Variants in NPFFR1 observed in about 807,000 individuals in gnomAD.
The protein encoded by NPFFR1 is neuropeptide FF receptor 1.
A neutral mutation model predicts 12.7 loss-of-function variants in NPFFR1; 17 were observed. The observed-to-expected ratio is 1.34, with a 90% CI of 0.92 to 2.01. The LOEUF (loss-of-function observed/expected upper bound fraction) is 2.01, where lower values mean the gene tolerates loss of function less well. NPFFR1 is among the 30% of genes most tolerant of loss of function. The pLI is 0.00. For synonymous variants in NPFFR1, 296 were observed against 264.5 expected, an observed-to-expected ratio of 1.12 and a Z score of -1.16; for missense variants, 604 against 606.5, an observed-to-expected ratio of 1.00 and a Z score of 0.04.
rs751630372 is a variant in NPFFR1 at position 70,283,681 on chromosome 10, C to G, written c.-5G>C. On this transcript the variant is annotated 5_prime_UTR_variant, in exon 1 of 4. Transcript: ENST00000277942. ...CCAGGACCACTCACCCTCCATGATG[C>G]CCCCAGTTGCGGGCTCCGGCGGTCT... 1 of 1,535,280 alleles carries G rather than the reference C, an allele frequency of 6.5e-7. No homozygotes were observed. Among genetic ancestry groups the G allele is most frequent in the Non-Finnish European group, 8.7e-7 (1 of 1,146,492 alleles).
At chr10:70,264,366 C>CAAAA (rs56178146) in intron 2 of NPFFR1, among the ~76,000 whole-genome samples, 20 of 74,584 alleles carry the variant, frequency 2.7e-4, no homozygotes, top group African/African-American at 7.7e-4. Flanking sequence ...AGTGAGACTC[C>CAAAA]AAAAAAAAAA....
intron 2 of NPFFR1, 56 bp downstream of exon 2, chr10:70,266,021 T>C: frequency 6.7e-7 from 1 of 1,486,020 alleles, no homozygotes; most frequent in Non-Finnish European, 9.3e-7. Flanking sequence ...CAGCCTTATC[T>C]GAGAAGTTGA....
In NPFFR1 at chr10:70,278,308, ACCCTGCC is replaced by A. The variant is rs1840825776; in HGVS notation, c.7+5355_7+5361del. Among the ~76,000 whole-genome samples, 6 of 66,696 alleles carry A rather than the reference ACCCTGCC, an allele frequency of 9.0e-5. No individual in the cohort carries two copies. In the South Asian group the frequency reaches 3.5e-3, roughly 39 times the overall value. 43.8% of individuals were successfully genotyped at this position (66,696 alleles called of 152,430 possible). A position where few individuals can be genotyped will look rare whatever the true frequency, so the allele number is the denominator to read the frequency against. ...TTGGGACCTCCCCTACCCACCCCCC[ACCCTGCC>A]CCGTAACTTTCCTGAAGAATAAAAG... On this transcript the variant is annotated intron_variant, in intron 1 of 3. Coordinates refer to ENST00000277942, the MANE Select transcript of NPFFR1 (RefSeq NM_022146.5).
intron 1 of NPFFR1, among the ~76,000 whole-genome samples, chr10:70,274,432 G>A (rs1249265713): frequency 1.3e-5 from 2 of 151,590 alleles, no homozygotes; most frequent in Non-Finnish European, 2.9e-5. Context: ...CTGGGCAACA[G>A]AGCGAGACTC....
chr10:70,283,222 ACTCTCTCT>A (rs758178711), intron 1 of NPFFR1, among the ~76,000 whole-genome samples: 1 of 109,240 alleles, frequency 9.2e-6, no homozygotes, highest in Admixed American at 9.2e-5. Flanking sequence ...TCTCTCTCTC[ACTCTCTCT>A]CTCTCTCTCA....
chr10:70,264,691 A>T (rs997230980), intron 2 of NPFFR1, among the ~76,000 whole-genome samples: 1 of 152,222 alleles, frequency 6.6e-6, no homozygotes, highest in Non-Finnish European at 1.5e-5. Context: ...TTGCACTCGC[A>T]TAAAATAGTG....
intron 1 of NPFFR1, among the ~76,000 whole-genome samples, chr10:70,281,634 A>T (rs1391806618): frequency 1.3e-5 from 2 of 152,224 alleles, no homozygotes; most frequent in East Asian, 1.9e-4. Context: ...AAAGGGGATC[A>T]CACTACACAT....
intron 1 of NPFFR1, among the ~76,000 whole-genome samples, chr10:70,276,469 T>A (rs978442507): frequency 1.3e-5 from 2 of 151,678 alleles, no homozygotes; most frequent in African/African-American, 4.9e-5. Flanking sequence ...TCAAAAGGAG[T>A]CAGACATTAA....
chr10:70,257,906 G>A (rs1479071469), intron 3 of NPFFR1, among the ~76,000 whole-genome samples: 4 of 152,174 alleles, frequency 2.6e-5, no homozygotes, highest in African/African-American at 9.7e-5. Flanking sequence ...TGCACGTCCA[G>A]TCACAGTACC....
chr10:70,264,533 CTT>C (rs944526208), intron 2 of NPFFR1, among the ~76,000 whole-genome samples: 5 of 132,952 alleles, frequency 3.8e-5, no homozygotes, highest in African/African-American at 1.1e-4. Flanking sequence ...GTGAGAAACT[CTT>C]TTATTTATTA....
At position 70,254,848 on chromosome 10, in the gene NPFFR1, G is replaced by A; in HGVS notation, c.*109C>T. ...CTGCCCACCACTGCCTGGCTCTGGA[G>A]AGGGAGGGACCACGCATCCTCACCT... On this transcript the variant is annotated 3_prime_UTR_variant, in exon 4 of 4. Transcript: ENST00000277942. 8.1e-7 allele frequency: 1 copy of A among 1,227,074 alleles called. No homozygotes were observed. The highest frequency in any genetic ancestry group is 2.6e-5 in the South Asian group (1 of 39,012). 76.0% of individuals were successfully genotyped at this position (1,227,074 alleles called of 1,614,324 possible).
intron 1 of NPFFR1, among the ~76,000 whole-genome samples, chr10:70,273,473 T>G (rs1192298221): frequency 6.6e-6 from 1 of 152,218 alleles, no homozygotes; most frequent in African/African-American, 2.4e-5. Context: ...ATTTATGGTC[T>G]CCAAAAGCAT....
Position 70,251,961 on chromosome 10 carries a change from G to A in NPFFR1, c.*2996C>T, listed in dbSNP as rs1840516347. On this transcript the variant is annotated 3_prime_UTR_variant, in exon 4 of 4. Coordinates refer to ENST00000277942, the MANE Select transcript of NPFFR1 (RefSeq NM_022146.5). Reference sequence around the variant, plus strand: ...CAGGGAAGTGAGACACATCACAGCTGTCCTGGAAGCCTCTGTTTTGTCAGC... The same window carrying A: ...CAGGGAAGTGAGACACATCACAGCTATCCTGGAAGCCTCTGTTTTGTCAGC... 1 of 152,236 alleles carries A rather than the reference G, an allele frequency of 6.6e-6. No individual in the cohort carries two copies. Among genetic ancestry groups the A allele is most frequent in the Admixed American group, 6.5e-5 (1 of 15,278 alleles). The allele number at this position is 152,236 out of a possible 1,614,324, so 9.4% of individuals were successfully genotyped here.
At chr10:70,280,815 AAC>A (rs768938191) in intron 1 of NPFFR1, among the ~76,000 whole-genome samples, 13 of 152,206 alleles carry the variant, frequency 8.5e-5, no homozygotes, top group Non-Finnish European at 1.8e-4. Flanking sequence ...CAGCCTGGCC[AAC>A]ATGGTGAAAC....
intron 2 of NPFFR1, among the ~76,000 whole-genome samples, chr10:70,263,865 A>G (rs1231394643): frequency 6.6e-6 from 1 of 152,188 alleles, no homozygotes; most frequent in African/African-American, 2.4e-5. Context: ...TAATCCCAGC[A>G]CTTTGGGAGG....
chr10:70,249,480 T>C lies in NPFFR1; in HGVS notation c.*5477A>G, dbSNP rs1840488166. 6.6e-6 allele frequency: 1 copy of C among 151,160 alleles called. No individual in the cohort carries two copies. Among genetic ancestry groups the C allele is most frequent in the Non-Finnish European group, 1.5e-5 (1 of 67,814 alleles). The allele number at this position is 151,160 out of a possible 1,614,324, so 9.4% of individuals were successfully genotyped here. A position where few individuals can be genotyped will look rare whatever the true frequency, so the allele number is the denominator to read the frequency against. On this transcript the variant is annotated 3_prime_UTR_variant, in exon 4 of 4. Coordinates refer to ENST00000277942, the MANE Select transcript of NPFFR1 (RefSeq NM_022146.5). ...GTGCTAAAGTCTCTACAATAAAATA[T>C]TATTATTATTATTATTATTTGAGAT...
At position 70,260,718 on chromosome 10, in the gene NPFFR1, G is replaced by A. The variant is rs1337452749; in HGVS notation, c.344C>T (p.Thr115Ile). The change falls in exon 3 of 4, where the codon ACA (threonine) becomes ATA (isoleucine). Residue 115 changes from threonine (T) to isoleucine (I), a missense_variant. Thr to Ile is a moderately conservative substitution (Grantham distance 89, BLOSUM62 -1). Transcript: ENST00000277942. ...CTGCACCAAGCCGCTCATCTTGCAT[G>A]TGGCATTGTCGAAGGGCCACCCTGC... ...LITGWPFDNA[T>I]CKMSGLVQGM... is the part of the protein sequence containing the mutation. 1.2e-6 allele frequency: 2 copies of A among 1,605,790 alleles called. No homozygotes were observed. Among genetic ancestry groups the A allele is most frequent in the Admixed American group, 1.7e-5 (1 of 58,730 alleles).
intron 1 of NPFFR1, among the ~76,000 whole-genome samples, chr10:70,281,630 G>T (rs1459059351): frequency 6.6e-6 from 1 of 152,076 alleles, no homozygotes; most frequent in East Asian, 1.9e-4. Context: ...GCATAAAGGG[G>T]ATCACACTAC....
intron 1 of NPFFR1, among the ~76,000 whole-genome samples, chr10:70,268,286 G>C (rs563495115): frequency 6.6e-6 from 1 of 152,162 alleles, no homozygotes; most frequent in South Asian, 2.1e-4. Context: ...ATGAAAAAAT[G>C]TGGTTTCCAT....
Sources: gnomAD v4.1 joint callset for allele counts (sites outside exome capture counted in the v4.1 genomes callset) on GRCh38, gnomAD v4.1.1 for gene constraint, MANE v1.5 for transcripts, NCBI Gene and HGNC (gene_info 2026-07-23, HGNC 2026-07-21) for gene names.